Variants in PGM5 observed in about 807,000 individuals in gnomAD.
PGM5 encodes phosphoglucomutase 5, also known as phosphoglucomutase-like protein 5.
A neutral mutation model predicts 59.2 loss-of-function variants in PGM5; 23 were observed. That is an observed-to-expected ratio of 0.39 (90% CI 0.28 to 0.55). The LOEUF (loss-of-function observed/expected upper bound fraction) is 0.55. Among genes scored for constraint, PGM5 ranks in the 20% least tolerant of loss-of-function variants. The pLI, the probability that PGM5 is intolerant of heterozygous loss-of-function variation, is 0.66. For synonymous variants in PGM5, 214 were observed against 286.0 expected (o/e 0.75, Z 2.54); for missense variants, 574 against 748.3 (o/e 0.77, Z 2.72).
chr9:68,389,654 G>A (rs745803957), intron 4 of PGM5, among the ~76,000 whole-genome samples: 1 of 152,018 alleles, frequency 6.6e-6, no homozygotes, highest in Non-Finnish European at 1.5e-5. Context: ...ACTGGTTAAT[G>A]AAAATTAGAT....
chr9:68,484,145 C>T, intron 9 of PGM5, 97 bp downstream of exon 9: 1 of 1,047,940 alleles, frequency 9.5e-7, no homozygotes. Context: ...TCTAAGGTGA[C>T]CTCATTTTAT....
intron 9 of PGM5, among the ~76,000 whole-genome samples, chr9:68,494,648 G>A (rs1554688060): frequency 6.6e-6 from 1 of 152,158 alleles, no homozygotes; most frequent in Non-Finnish European, 1.5e-5. Flanking sequence ...CAATTAATGA[G>A]CTAATGGTTT....
chr9:68,446,475 G>A (rs913935434), intron 6 of PGM5, among the ~76,000 whole-genome samples: 3 of 152,210 alleles, frequency 2.0e-5, no homozygotes, highest in Non-Finnish European at 4.4e-5. Context: ...CTTTGTAGAG[G>A]ACTGATCCCC....
intron 9 of PGM5, among the ~76,000 whole-genome samples, chr9:68,495,219 C>T (rs73445694): frequency 0.01 from 1,593 of 152,070 alleles, 26 homozygotes; most frequent in African/African-American, 0.036. Flanking sequence ...AGACTTGTGG[C>T]GGCAAAAACA....
chr9:68,369,814 CT>C (rs146487357), intron 1 of PGM5, among the ~76,000 whole-genome samples: 4,308 of 152,282 alleles, frequency 0.028, 107 homozygotes, highest in East Asian at 0.13. Flanking sequence ...GATGAGCTCT[CT>C]TACTTCCATC....
intron 7 of PGM5, among the ~76,000 whole-genome samples, chr9:68,469,446 A>T (rs116696506): frequency 6.6e-6 from 1 of 152,208 alleles, no homozygotes; most frequent in Non-Finnish European, 1.5e-5. Context: ...AGCTGCTGGC[A>T]TTAGCATGAG....
intron 6 of PGM5, among the ~76,000 whole-genome samples, chr9:68,399,785 A>T (rs1822618895): frequency 6.6e-6 from 1 of 152,160 alleles, no homozygotes; most frequent in Non-Finnish European, 1.5e-5. Context: ...CCTGAGTTCG[A>T]TAGCCAAATT....
At chr9:68,379,312 A>G (rs1554678120) in intron 2 of PGM5, among the ~76,000 whole-genome samples, 1 of 152,198 alleles carries the variant, frequency 6.6e-6, no homozygotes, top group East Asian at 1.9e-4. Context: ...GTAGGAGCCA[A>G]ATTTTAACCA....
chr9:68,524,562 G>C (rs982567925), intron 10 of PGM5, among the ~76,000 whole-genome samples: 3 of 152,136 alleles, frequency 2.0e-5, no homozygotes, highest in Admixed American at 6.5e-5. Flanking sequence ...ATTCACAAAG[G>C]GTTATTTTGG....
intron 6 of PGM5, among the ~76,000 whole-genome samples, chr9:68,419,063 T>G (rs139546202): frequency 6.6e-6 from 1 of 152,202 alleles, no homozygotes; most frequent in Non-Finnish European, 1.5e-5. Flanking sequence ...AATAAACCTC[T>G]GCTTTAAAAT....
At chr9:68,432,795 TG>T (rs1398696410) in intron 6 of PGM5, among the ~76,000 whole-genome samples, 4 of 151,994 alleles carry the variant, frequency 2.6e-5, no homozygotes, top group South Asian at 2.1e-4. Flanking sequence ...TTAGTAGAAA[TG>T]GGGTTTCTCC....
intron 6 of PGM5, among the ~76,000 whole-genome samples, chr9:68,436,606 G>A (rs1274839383): frequency 6.6e-6 from 1 of 152,148 alleles, no homozygotes; most frequent in Non-Finnish European, 1.5e-5. Flanking sequence ...GTATGTCTTT[G>A]AAGGCTTGGC....
At chr9:68,528,871 C>T (rs1013911377) in intron 10 of PGM5, among the ~76,000 whole-genome samples, 10 of 152,144 alleles carry the variant, frequency 6.6e-5, no homozygotes, top group Non-Finnish European at 1.2e-4. Context: ...GTTGCATGCT[C>T]CACACCTCGG....
intron 2 of PGM5, among the ~76,000 whole-genome samples, chr9:68,384,154 T>A (rs1822154508): frequency 6.6e-6 from 1 of 152,018 alleles, no homozygotes; most frequent in Non-Finnish European, 1.5e-5. Flanking sequence ...TAGAAGTGGA[T>A]TAAAACAAAC....
intron 7 of PGM5, among the ~76,000 whole-genome samples, chr9:68,475,022 G>T (rs868909417): frequency 7.4e-5 from 11 of 149,160 alleles, no homozygotes; most frequent in South Asian, 2.1e-4. Flanking sequence ...TTTATTTATT[G>T]TTTTTTTTGA....
chr9:68,397,045 A>G (rs186342754), intron 6 of PGM5: 34 of 152,798 alleles, frequency 2.2e-4, no homozygotes, highest in African/African-American at 7.7e-4. Context: ...TTCTACTCTT[A>G]CAGTGTCACT....
At position 68,509,597 on chromosome 9, in the gene PGM5, C is replaced by T. The variant is rs76249296; in HGVS notation, c.1614+10236C>T. Among the ~76,000 whole-genome samples the T allele has an allele frequency of 7.6e-3, 1,156 of 152,308 alleles. 13 individuals are homozygous for T. The highest frequency in any genetic ancestry group is 0.027 in the African/African-American group (1,103 of 41,558). On this transcript the variant is annotated intron_variant, in intron 10 of 10. Transcript: ENST00000396396. ...CAAGAGGAGGGGACCCAACACGCCA[C>T]ACAGGGCCACGCAGGGAAGCGCCAG...
Position 68,499,320 on chromosome 9 carries a change from A to T in PGM5, c.1573A>T (p.Ser525Cys). The change falls in exon 10 of 11, where the codon AGC becomes TGC. Residue 525 changes from serine (S) to cysteine (C), a missense_variant. Around this residue, in one of 7 missense-constraint regions of PGM5, gnomAD observed 300 missense variants for 280.0 expected, o/e 1.07. Transcript: ENST00000396396. ...GGCCACCCTCAGACTGTACGCAGAG[A>T]GCTACGAGAGGGATCCCAGCGGCCA... ...VRATLRLYAESYERDPSGHDQ... is the reference protein window; with the variant it reads ...VRATLRLYAECYERDPSGHDQ... 1 of 1,614,052 alleles carries T rather than the reference A, an allele frequency of 6.2e-7. No homozygotes were observed. Among genetic ancestry groups the T allele is most frequent in the Non-Finnish European group, 8.5e-7 (1 of 1,180,000 alleles).
intron 6 of PGM5, among the ~76,000 whole-genome samples, chr9:68,452,331 C>T (rs1358345315): frequency 1.3e-5 from 2 of 152,170 alleles, no homozygotes; most frequent in Non-Finnish European, 2.9e-5. Flanking sequence ...CTCCTAAGCA[C>T]CAAGAGCCCC....
Sources: allele counts gnomAD v4.1 joint callset (sites outside exome capture counted in the v4.1 genomes callset), GRCh38; gene constraint gnomAD v4.1.1; regional missense constraint gnomAD v4.1.1; transcripts MANE v1.5; gene names NCBI Gene and HGNC (gene_info 2026-07-23, HGNC 2026-07-21).